ROBO1: variants seen among roughly 807,000 people sequenced by gnomAD.
ROBO1 encodes the protein roundabout guidance receptor 1, also known as roundabout homolog 1.
Under a neutral mutation model 195.9 loss-of-function variants are expected in ROBO1, and 149 were observed. That is an observed-to-expected ratio of 0.76 (90% CI 0.67 to 0.87). ROBO1 has a LOEUF of 0.87. Among genes scored for constraint, ROBO1 ranks in the 40% least tolerant of loss-of-function variants. The probability of loss-of-function intolerance (pLI) is 0.00; values close to 1 mark genes in which losing one functional copy is unlikely to be tolerated. For missense variants in ROBO1, 1,933 were observed against 2,068.3 expected (o/e 0.93, Z 1.27); for synonymous variants, 816 against 733.2 (o/e 1.11, Z -1.82).
At chr3:79,220,164 T>C (rs1037863715) in intron 2 of ROBO1, among the ~76,000 whole-genome samples, 2 of 152,102 alleles carry the variant, frequency 1.3e-5, no homozygotes, top group Admixed American at 6.6e-5. Context: ...TTCTGATATG[T>C]AAGTTGCCAT....
intron 2 of ROBO1, among the ~76,000 whole-genome samples, chr3:79,549,328 T>TA (rs1942389327): frequency 6.6e-6 from 1 of 152,166 alleles, no homozygotes; most frequent in African/African-American, 2.4e-5. Flanking sequence ...TATGTACATA[T>TA]ATATGATACA....
At chr3:78,734,882 A>T (rs1431849318) in intron 5 of ROBO1, among the ~76,000 whole-genome samples, 1 of 152,134 alleles carries the variant, frequency 6.6e-6, no homozygotes, top group East Asian at 1.9e-4. Flanking sequence ...CTGCATCTAA[A>T]CACACTGCAC....
intron 1 of ROBO1, among the ~76,000 whole-genome samples, chr3:79,621,479 C>T (rs1945007887): frequency 6.6e-6 from 1 of 152,126 alleles, no homozygotes; most frequent in Non-Finnish European, 1.5e-5. Flanking sequence ...TGTCAATAAT[C>T]AACATGAAGG....
chr3:79,417,493 C>T (rs2038053326), intron 2 of ROBO1, among the ~76,000 whole-genome samples: 1 of 152,146 alleles, frequency 6.6e-6, no homozygotes, highest in Admixed American at 6.6e-5. Flanking sequence ...TCCTCTAAAA[C>T]TATATGAGAT....
chr3:78,833,218 GAA>G, intron 4 of ROBO1, among the ~76,000 whole-genome samples: 1 of 151,424 alleles, frequency 6.6e-6, no homozygotes, highest in East Asian at 1.9e-4. Flanking sequence ...AAATAAGGAT[GAA>G]AAAAAAGGTT....
At chr3:78,845,524 C>T (rs1232763787) in intron 4 of ROBO1, among the ~76,000 whole-genome samples, 1 of 151,836 alleles carries the variant, frequency 6.6e-6, no homozygotes, top group Non-Finnish European at 1.5e-5. Flanking sequence ...TACAGACACA[C>T]ATATATTTCC....
chr3:79,608,584 A>T (rs566041167), intron 1 of ROBO1, among the ~76,000 whole-genome samples: 1 of 152,116 alleles, frequency 6.6e-6, no homozygotes, highest in African/African-American at 2.4e-5. Flanking sequence ...AATTCCTAAG[A>T]TGATACCTGC....
intron 4 of ROBO1, among the ~76,000 whole-genome samples, chr3:78,841,437 G>A (rs1271709187): frequency 1.3e-5 from 2 of 152,132 alleles, no homozygotes; most frequent in African/African-American, 4.8e-5. Flanking sequence ...ATCAGAACAA[G>A]TACAAGGTCT....
At chr3:78,602,381 C>T (rs1030360024) in intron 29 of ROBO1, among the ~76,000 whole-genome samples, 1 of 152,178 alleles carries the variant, frequency 6.6e-6, no homozygotes, top group South Asian at 2.1e-4. Context: ...GAGGTCTCCT[C>T]AGAAGCCAAG....
intron 2 of ROBO1, among the ~76,000 whole-genome samples, chr3:79,565,993 A>G (rs1356349513): frequency 6.6e-6 from 1 of 152,094 alleles, no homozygotes; most frequent in Non-Finnish European, 1.5e-5. Context: ...GCCTACAGCA[A>G]ATATATAACT....
chr3:79,670,473 A>G (rs1946600784), intron 1 of ROBO1, among the ~76,000 whole-genome samples: 1 of 151,882 alleles, frequency 6.6e-6, no homozygotes, highest in South Asian at 2.1e-4. Flanking sequence ...ATTGATGGCA[A>G]CGTTCAAAAT....
At chr3:79,620,399 C>A (rs1190490543) in intron 1 of ROBO1, among the ~76,000 whole-genome samples, 1 of 152,072 alleles carries the variant, frequency 6.6e-6, no homozygotes, top group African/African-American at 2.4e-5. Flanking sequence ...CGGAGGCAAC[C>A]CACTCCACAT....
rs543615304 is a variant in ROBO1, at chr3:79,473,510, C to G, written c.88+116314G>C. ...ACAAGGCCTCACCATCTCGAAAACTCGGAGAAATAATACCCGCTGAAATGG... is the reference window on the plus strand; with the variant it reads ...ACAAGGCCTCACCATCTCGAAAACTGGGAGAAATAATACCCGCTGAAATGG... On this transcript the variant is annotated intron_variant, in intron 2 of 30. Transcript: ENST00000464233. Among the ~76,000 whole-genome samples, 6 of 152,094 alleles carry G rather than the reference C, an allele frequency of 3.9e-5. No individual in the cohort carries two copies. The South Asian group carries it at 1.3e-3, about 32-fold the overall frequency.
At chr3:79,601,167 C>A (rs1471906907) in intron 1 of ROBO1, among the ~76,000 whole-genome samples, 1 of 151,812 alleles carries the variant, frequency 6.6e-6, no homozygotes, top group African/African-American at 2.4e-5. Flanking sequence ...GTTGACTGAA[C>A]CAAAAGGGTT....
intron 2 of ROBO1, among the ~76,000 whole-genome samples, chr3:79,187,103 T>C (rs1402324186): frequency 1.3e-5 from 2 of 152,122 alleles, no homozygotes; most frequent in Non-Finnish European, 2.9e-5. Flanking sequence ...CAAAGGTATC[T>C]AGTTATCCTT....
At chr3:79,579,269 G>A (rs1042527538) in intron 2 of ROBO1, among the ~76,000 whole-genome samples, 2 of 152,256 alleles carry the variant, frequency 1.3e-5, no homozygotes, top group South Asian at 2.1e-4. Context: ...GTCGGTAAAT[G>A]TTATTGTTAT....
At chr3:78,768,993 C>G (rs1358827111) in intron 4 of ROBO1, among the ~76,000 whole-genome samples, 3 of 152,036 alleles carry the variant, frequency 2.0e-5, no homozygotes, top group Non-Finnish European at 4.4e-5. Flanking sequence ...ATCATATGGT[C>G]TGTCTTGGAG....
chr3:79,318,075 C>T (rs1176398027), intron 2 of ROBO1, among the ~76,000 whole-genome samples: 3 of 152,144 alleles, frequency 2.0e-5, no homozygotes, highest in African/African-American at 7.2e-5. Flanking sequence ...GTTCAAAGGC[C>T]AACGGGCAGT....
At chr3:78,849,625 T>C (rs1453438140) in intron 4 of ROBO1, among the ~76,000 whole-genome samples, 2 of 152,028 alleles carry the variant, frequency 1.3e-5, no homozygotes, top group Non-Finnish European at 2.9e-5. Context: ...TATATATATA[T>C]ATAAAATCAC....
Sources: gnomAD v4.1 joint callset for allele counts (sites outside exome capture counted in the v4.1 genomes callset) on GRCh38, gnomAD v4.1.1 for gene constraint, MANE v1.5 for transcripts, NCBI Gene and HGNC (gene_info 2026-07-23, HGNC 2026-07-21) for gene names.